NFIB: variants seen among roughly 807,000 people sequenced by gnomAD.
NFIB encodes the protein nuclear factor I B.
NFIB carries 11 observed loss-of-function variants against 61.5 expected under a neutral mutation model. The ratio of observed to expected loss-of-function variants is 0.18; its 90% CI spans 0.11 to 0.30. NFIB has a LOEUF of 0.30. Ranked by LOEUF, NFIB falls within the 10% of genes least tolerant of loss-of-function variation. The pLI is 1.00. For synonymous variants in NFIB, 260 were observed against 216.5 expected, an observed-to-expected ratio of 1.20 and a Z score of -1.76; for missense variants, 471 against 608.9, an observed-to-expected ratio of 0.77 and a Z score of 2.38.
intron 2 of NFIB, among the ~76,000 whole-genome samples, chr9:14,255,716 C>A (rs572747625): frequency 3.3e-5 from 5 of 152,284 alleles, no homozygotes; most frequent in African/African-American, 7.2e-5. Context: ...TAGACTCTCA[C>A]AAGGTCACTA....
Position 14,307,134 on chromosome 9 carries a change from T to C in NFIB, c.417A>G (p.Lys139=). 6.2e-7 allele frequency: 1 copy of C among 1,614,146 alleles called. No individual in the cohort carries two copies. Among genetic ancestry groups the C allele is most frequent in the Non-Finnish European group, 8.5e-7 (1 of 1,180,018 alleles). ...RLDLVMVILF[K]GIPLESTDGE... is the part of the protein sequence containing the mutation. ...CATCGGTACTTTCCAAGGGGATGCC[T>C]TTGAACAGGATCACCATGACTAGAT... Residue 139 remains lysine (K), a synonymous_variant, in exon 2 of 11, where the codon AAA becomes AAG. Coordinates refer to ENST00000380953, the MANE Select transcript of NFIB (RefSeq NM_001190737.2). This position sits in a 1 kb window ranked among gnomAD's most constrained non-coding sequence, Gnocchi z 5.3.
At chr9:14,485,426 A>C in the NFIB span, among the ~76,000 whole-genome samples, 1 of 152,240 alleles carries the variant, frequency 6.6e-6, no homozygotes, top group Non-Finnish European at 1.5e-5. Context: ...TGCAGCTCAT[A>C]TAAGAAGGTG....
intron 1 of NFIB, among the ~76,000 whole-genome samples, chr9:14,323,265 C>G (rs542428684): frequency 2.0e-5 from 3 of 152,208 alleles, no homozygotes; most frequent in African/African-American, 7.2e-5. Flanking sequence ...TAATACAACC[C>G]CGGAGTTCCC....
chr9:14,498,817 TCCTC>T, the NFIB span, among the ~76,000 whole-genome samples: 13 of 76,520 alleles, frequency 1.7e-4, no homozygotes, highest in African/African-American at 5.5e-4. Context: ...CTTCCTCCCT[TCCTC>T]CCTTCCTCCC....
At chr9:14,124,429 C>A (rs2039373802) in intron 7 of NFIB, among the ~76,000 whole-genome samples, 1 of 151,990 alleles carries the variant, frequency 6.6e-6, no homozygotes, top group South Asian at 2.1e-4. Context: ...TTAATGATAG[C>A]AATAAAGGCC....
Position 14,396,136 on chromosome 9 carries a change from C to T in NFIB, c.108+2388G>A, listed in dbSNP as rs570754516. ...ATAAATAATAGCTCTCGCAAAGCAGCTTTTAATGTATTTGATAATTAGTTG... is the reference window on the plus strand; with the variant it reads ...ATAAATAATAGCTCTCGCAAAGCAGTTTTTAATGTATTTGATAATTAGTTG... On this transcript the variant is annotated intron_variant, in intron 1 of 8. Coordinates refer to the NFIB transcript ENST00000380934. Among the ~76,000 whole-genome samples, 5 of 152,056 alleles carry T rather than the reference C, an allele frequency of 3.3e-5. No individual in the cohort carries two copies. In the South Asian group the frequency reaches 1.0e-3, roughly 32 times the overall value.
intron 2 of NFIB, among the ~76,000 whole-genome samples, chr9:14,238,061 C>T (rs981677958): frequency 4.0e-5 from 6 of 151,754 alleles, no homozygotes; most frequent in African/African-American, 1.5e-4. Context: ...AGAAAAAGAC[C>T]TGGGAAGAAG....
chr9:14,419,305 CAAGA>C, the NFIB span, among the ~76,000 whole-genome samples: 2 of 116,496 alleles, frequency 1.7e-5, no homozygotes, highest in East Asian at 2.3e-4. Context: ...AAAAAAAAAG[CAAGA>C]AAGAAAGAAG....
chr9:14,456,765 AG>A, the NFIB span, among the ~76,000 whole-genome samples: 1 of 152,202 alleles, frequency 6.6e-6, no homozygotes, highest in South Asian at 2.1e-4. Flanking sequence ...AGTTTTCAAT[AG>A]GGGACAATTT....
chr9:14,411,495 A>G, the NFIB span, among the ~76,000 whole-genome samples: 1 of 152,178 alleles, frequency 6.6e-6, no homozygotes, highest in Admixed American at 6.5e-5. Context: ...AGACTGGATG[A>G]GCCCAATATA....
chr9:14,472,766 A>C, the NFIB span, among the ~76,000 whole-genome samples: 1 of 152,090 alleles, frequency 6.6e-6, no homozygotes, highest in Non-Finnish European at 1.5e-5. Flanking sequence ...GCGTGAACCC[A>C]GGAGGTGGAG....
At chr9:14,345,198 G>A in intron 1 of NFIB, among the ~76,000 whole-genome samples, 1 of 152,200 alleles carries the variant, frequency 6.6e-6, no homozygotes, top group South Asian at 2.1e-4. Flanking sequence ...GTAGAGGTAA[G>A]AGAAAGGGGC....
At chr9:14,510,053 G>A in the NFIB span, among the ~76,000 whole-genome samples, 12 of 152,044 alleles carry the variant, frequency 7.9e-5, no homozygotes, top group South Asian at 4.2e-4. Flanking sequence ...ATGCCACTAC[G>A]CCCAGATAAT....
chr9:14,328,044 G>T lies in NFIB; in HGVS notation c.109-20524C>A, dbSNP rs371774688. 2.6e-5 allele frequency among the ~76,000 whole-genome samples: 4 copies of T among 152,198 alleles called. No individual in the cohort carries two copies. In the East Asian group the frequency reaches 7.7e-4, roughly 29 times the overall value. ...CTTTTTGTTCGAGGATGATTGACAA[G>T]CAAATATGGAGGTCAGAATAGAAAT... On this transcript the variant is annotated intron_variant, in intron 1 of 8. Transcript: ENST00000380934.
intron 2 of NFIB, among the ~76,000 whole-genome samples, chr9:14,218,778 G>A (rs2051259860): frequency 6.6e-6 from 1 of 152,178 alleles, no homozygotes; most frequent in South Asian, 2.1e-4. Flanking sequence ...GATCACAGTG[G>A]ATGCCTAGAT....
At chr9:14,429,668 C>A in the NFIB span, among the ~76,000 whole-genome samples, 1 of 152,198 alleles carries the variant, frequency 6.6e-6, no homozygotes, top group African/African-American at 2.4e-5. Flanking sequence ...TAAGCACTTT[C>A]TTTTCGCAAA....
rs1467757732 is a variant in NFIB at position 14,225,280 on chromosome 9, C to G, written c.563-45500G>C. Reference sequence around the variant, plus strand: ...ATATATAAATCCCATTCTTAAGAAGCCAGTTATTGTTTGGTACTAGGTTCA... The same window carrying G: ...ATATATAAATCCCATTCTTAAGAAGGCAGTTATTGTTTGGTACTAGGTTCA... On this transcript the variant is annotated intron_variant, in intron 2 of 10. Coordinates refer to ENST00000380953, the MANE Select transcript of NFIB (RefSeq NM_001190737.2). Among the ~76,000 whole-genome samples the G allele has an allele frequency of 2.6e-5, 4 of 151,318 alleles. 1 individual carries two copies. The highest frequency in any genetic ancestry group is 6.4e-3 in the Middle Eastern group (2 of 314).
intron 1 of NFIB, among the ~76,000 whole-genome samples, chr9:14,341,939 GA>G (rs5896628): frequency 0.88 from 123,837 of 140,610 alleles, 55,629 homozygotes; most frequent in East Asian, 0.99. Context: ...TCCTCGGGAG[GA>G]AAAAAAAAAA....
At chr9:14,424,175 A>T in the NFIB span, among the ~76,000 whole-genome samples, 1 of 152,208 alleles carries the variant, frequency 6.6e-6, no homozygotes, top group African/African-American at 2.4e-5. Flanking sequence ...AAGGGAGTAA[A>T]GAAGGGGCCT....
Sources: gnomAD v4.1 joint callset for allele counts (sites outside exome capture counted in the v4.1 genomes callset) on GRCh38, gnomAD v4.1.1 for gene constraint, Gnocchi (gnomAD v3.1) non-coding constraint, MANE v1.5 for transcripts, NCBI Gene and HGNC (gene_info 2026-07-23, HGNC 2026-07-21) for gene names.